The following DLGAP2 variants were observed in gnomAD, a reference collection of about 807,000 sequenced individuals.
DLGAP2 encodes disks large-associated protein 2.
Under a neutral mutation model 100.3 loss-of-function variants are expected in DLGAP2, and 26 were observed. That is an observed-to-expected ratio of 0.26 (90% CI 0.19 to 0.36). The LOEUF (loss-of-function observed/expected upper bound fraction) is 0.36. Ranked by LOEUF, DLGAP2 falls within the 10% of genes least tolerant of loss-of-function variation. The probability of loss-of-function intolerance (pLI) is 1.00; values close to 1 mark genes in which losing one functional copy is unlikely to be tolerated. For synonymous variants in DLGAP2, 886 were observed against 630.1 expected, an observed-to-expected ratio of 1.41 and a Z score of -6.08; for missense variants, 1,858 against 1,453.2, an observed-to-expected ratio of 1.28 and a Z score of -4.53.
intron 8 of DLGAP2, among the ~76,000 whole-genome samples, chr8:1,658,267 A>T (rs965328011): frequency 6.6e-6 from 1 of 152,092 alleles, no homozygotes; most frequent in Non-Finnish European, 1.5e-5. Flanking sequence ...AGGAGATGCC[A>T]TATTGAATGT....
chr8:1,653,398 G>A (rs995802764), intron 8 of DLGAP2, among the ~76,000 whole-genome samples: 12 of 152,182 alleles, frequency 7.9e-5, no homozygotes, highest in Non-Finnish European at 8.8e-5. Context: ...AACCGAGCCC[G>A]GGTATCCCGT....
rs33910191 is a variant in DLGAP2, at chr8:1,287,131, C to CGTGTGTGTGT, written c.106+28266_106+28275dup. ...AAGAGGGGAACTAGTTTCGGTTCAG[C>CGTGTGTGTGT]GTGTGTGTGTGTGTGTGTGTGTGTG... On this transcript the variant is annotated intron_variant, in intron 3 of 14. Coordinates refer to ENST00000637795, the MANE Select transcript of DLGAP2 (RefSeq NM_001346810.2). Among the ~76,000 whole-genome samples the CGTGTGTGTGT allele has an allele frequency of 8.3e-4, 114 of 136,994 alleles. 5 individuals are homozygous for CGTGTGTGTGT. The highest frequency in any genetic ancestry group is 2.5e-3 in the African/African-American group (86 of 34,280). 89.9% of individuals were successfully genotyped at this position (136,994 alleles called of 152,430 possible).
chr8:1,199,940 C>A (rs1480167342), intron 2 of DLGAP2, among the ~76,000 whole-genome samples: 2 of 152,158 alleles, frequency 1.3e-5, no homozygotes, highest in South Asian at 4.2e-4. Flanking sequence ...GAAGGATTCC[C>A]CCCCACAACC....
intron 3 of DLGAP2, among the ~76,000 whole-genome samples, chr8:1,430,029 C>CATATAT (rs1298205913): frequency 5.1e-5 from 2 of 39,236 alleles, no homozygotes. Context: ...TATATATATA[C>CATATAT]ACACACACAC....
intron 2 of DLGAP2, among the ~76,000 whole-genome samples, chr8:1,123,562 A>C (rs1446325379): frequency 6.6e-6 from 1 of 152,228 alleles, no homozygotes; most frequent in Non-Finnish European, 1.5e-5. Flanking sequence ...TTTGGTCTAA[A>C]ACCTGGAAAA....
chr8:1,491,077 C>CAAAAAAAAAAAAAA (rs386411871), intron 3 of DLGAP2, among the ~76,000 whole-genome samples: 6 of 64,524 alleles, frequency 9.3e-5, no homozygotes, highest in African/African-American at 2.2e-4. Context: ...AACTGGAAAC[C>CAAAAAAAAAAAAAA]AAAAAAAAAA....
chr8:1,308,073 C>T (rs529636365), intron 3 of DLGAP2, among the ~76,000 whole-genome samples: 36 of 152,238 alleles, frequency 2.4e-4, no homozygotes, highest in Admixed American at 1.3e-3. Context: ...GTGCATACAC[C>T]AGGTCAATGT....
chr8:1,692,853 C>G (rs1799287642), intron 13 of DLGAP2, among the ~76,000 whole-genome samples: 2 of 150,148 alleles, frequency 1.3e-5, no homozygotes, highest in Non-Finnish European at 3.0e-5. Flanking sequence ...TTTACATATA[C>G]TTACATATAT....
rs1020783709 is a variant in DLGAP2, at chr8:1,702,915, G to A, written c.*1509G>A. ...CGGCTTAAGGAGTACCATGTACTTAGCCACAGGCAGAATAGCTTTCGATGA... is the reference window on the plus strand; with the variant it reads ...CGGCTTAAGGAGTACCATGTACTTAACCACAGGCAGAATAGCTTTCGATGA... On this transcript the variant is annotated 3_prime_UTR_variant, in exon 15 of 15. Transcript: ENST00000637795. 1.0e-4 allele frequency: 16 copies of A among 152,608 alleles called. No individual in the cohort carries two copies. The highest frequency in any genetic ancestry group is 3.9e-4 in the African/African-American group (16 of 41,430). 9.5% of individuals were successfully genotyped at this position (152,608 alleles called of 1,614,324 possible).
At chr8:1,415,133 G>T (rs1796843578) in intron 3 of DLGAP2, among the ~76,000 whole-genome samples, 2 of 152,322 alleles carry the variant, frequency 1.3e-5, no homozygotes. Context: ...CATACAAACA[G>T]GTACACACAT....
chr8:797,663 C>A (rs1249812438), intron 1 of DLGAP2, among the ~76,000 whole-genome samples: 1 of 152,222 alleles, frequency 6.6e-6, no homozygotes, highest in Non-Finnish European at 1.5e-5. Flanking sequence ...CTGCCTCATA[C>A]TCCCACCAGG....
At chr8:1,552,280 C>T (rs182989215) in intron 5 of DLGAP2, among the ~76,000 whole-genome samples, 1 of 152,358 alleles carries the variant, frequency 6.6e-6, no homozygotes, top group Non-Finnish European at 1.5e-5. Context: ...GCTTTCATGG[C>T]GCTCGTTCAC....
intron 2 of DLGAP2, among the ~76,000 whole-genome samples, chr8:935,976 A>G (rs753017479): frequency 1.2e-4 from 19 of 152,204 alleles, no homozygotes; most frequent in Non-Finnish European, 1.9e-4. Context: ...GAAACTGGGA[A>G]CAGTCTAAGA....
intron 2 of DLGAP2, among the ~76,000 whole-genome samples, chr8:1,205,252 G>A (rs1039577663): frequency 4.6e-5 from 7 of 152,192 alleles, no homozygotes; most frequent in African/African-American, 1.2e-4. Flanking sequence ...TAAAGTGATA[G>A]TTTTATAGCT....
At chr8:905,902 C>T (rs1047068512) in intron 1 of DLGAP2, among the ~76,000 whole-genome samples, 5 of 149,818 alleles carry the variant, frequency 3.3e-5, no homozygotes, top group Admixed American at 1.4e-4. Flanking sequence ...GTGATAGAGA[C>T]GTGGCTGAGA....
At chr8:1,179,987 T>A (rs959536259) in intron 2 of DLGAP2, among the ~76,000 whole-genome samples, 4 of 152,234 alleles carry the variant, frequency 2.6e-5, no homozygotes, top group African/African-American at 7.2e-5. Flanking sequence ...TTAAAATACT[T>A]GGTGTTTTAT....
chr8:1,220,599 G>C (rs573373163), intron 2 of DLGAP2, among the ~76,000 whole-genome samples: 1 of 148,016 alleles, frequency 6.8e-6, no homozygotes, highest in East Asian at 1.9e-4. Context: ...AGAGTATTCT[G>C]TAGATATCTA....
At chr8:1,086,743 C>T (rs998749562) in intron 2 of DLGAP2, among the ~76,000 whole-genome samples, 7 of 152,054 alleles carry the variant, frequency 4.6e-5, no homozygotes, top group Non-Finnish European at 1.0e-4. Flanking sequence ...AACAATGGAG[C>T]ACCTAAATAT....
chr8:1,296,065 A>G (rs1800164852), intron 3 of DLGAP2: 5 of 152,076 alleles, frequency 3.3e-5, no homozygotes, highest in Admixed American at 3.3e-4. Flanking sequence ...TTTTGGCTTT[A>G]CCTGCTGTTC....
Sources: gnomAD v4.1 joint callset for allele counts (sites outside exome capture counted in the v4.1 genomes callset) on GRCh38, gnomAD v4.1.1 for gene constraint, MANE v1.5 for transcripts, NCBI Gene and HGNC (gene_info 2026-07-23, HGNC 2026-07-21) for gene names.